UBE2O: variants seen among roughly 807,000 people sequenced by gnomAD.
UBE2O encodes ubiquitin conjugating enzyme E2 O.
A neutral mutation model predicts 125.8 loss-of-function variants in UBE2O; 15 were observed. The ratio of observed to expected loss-of-function variants is 0.12; its 90% confidence interval spans 0.08 to 0.18. The LOEUF (loss-of-function observed/expected upper bound fraction) is 0.18. Among genes scored for constraint, UBE2O ranks in the 10% least tolerant of loss-of-function variants. The pLI is 1.00. For missense variants in UBE2O, 1,280 were observed against 1,723.6 expected, an observed-to-expected ratio of 0.74 and a Z score of 4.56; for synonymous variants, 708 against 703.2, an observed-to-expected ratio of 1.01 and a Z score of -0.11.
At chr17:76,419,769 G>A (rs1326742144) in intron 1 of UBE2O, among the ~76,000 whole-genome samples, 1 of 152,372 alleles carries the variant, frequency 6.6e-6, no homozygotes, top group Non-Finnish European at 1.5e-5. Flanking sequence ...AAGACTTCCA[G>A]GCAGGAAGGC....
intron 1 of UBE2O, among the ~76,000 whole-genome samples, chr17:76,449,896 G>A (rs945732676): frequency 7.2e-5 from 11 of 152,052 alleles, no homozygotes; most frequent in Non-Finnish European, 1.6e-4. Context: ...CTCCAGCCTG[G>A]GCAACAAGAG....
Position 76,415,809 on chromosome 17 carries a change from G to C in UBE2O, c.418-10237C>G, listed in dbSNP as rs1044254231. On this transcript the variant is annotated intron_variant, in intron 1 of 17. Transcript: ENST00000319380. ...ACAGAGCAAGACTGTGTGTGTGTGT[G>C]TGTGTGTGTGTGTGTGTGTGCATAC... Among the ~76,000 whole-genome samples, 79 of 151,794 alleles carry C rather than the reference G, an allele frequency of 5.2e-4. No homozygotes were observed. In the East Asian group the frequency reaches 0.014, roughly 26 times the overall value.
Position 76,399,919 on chromosome 17 carries a change from C to T in UBE2O, c.1158G>A (p.Val386=), listed in dbSNP as rs1208386414. The T allele has an allele frequency of 6.3e-7, 1 of 1,599,546 alleles. No homozygotes were observed. Among genetic ancestry groups the T allele is most frequent in the Admixed American group, 1.7e-5 (1 of 59,038 alleles). The part of the protein sequence containing the change: ...AQGEGSMAKK[V]KRLLKKQVVR... ...CAACCTGCTTCTTCAACAGGCGCTT[C>T]ACCTGCAAGGGCGGAGCAGAGAGGA... The change falls in exon 9 of 18, where the codon GTG becomes GTA. Residue 386 remains valine (V), a splice_region_variant and synonymous_variant. Transcript: ENST00000319380. This position sits in a 1 kb window ranked among gnomAD's most constrained non-coding sequence, Gnocchi z 6.9.
intron 1 of UBE2O, among the ~76,000 whole-genome samples, chr17:76,424,942 C>A (rs2072781753): frequency 6.6e-6 from 1 of 150,626 alleles, no homozygotes; most frequent in African/African-American, 2.4e-5. Context: ...GCGATCTCAG[C>A]TCACTGCAAG....
Position 76,398,458 on chromosome 17 carries a change from G to A in UBE2O, c.1896+14C>T. On this transcript the variant is annotated intron_variant, in intron 11 of 17. Transcript: ENST00000319380. The surrounding 1 kb of genome is among the most constrained non-coding windows in gnomAD (Gnocchi z 5.4). ...CAGAGCCCACCTGAAGCAAGCAGTAGGGGCTGCACACACCTCCACGTCGTC... is the reference window on the plus strand; with the variant it reads ...CAGAGCCCACCTGAAGCAAGCAGTAAGGGCTGCACACACCTCCACGTCGTC... 2 of 1,614,046 alleles carry A rather than the reference G, an allele frequency of 1.2e-6. No individual in the cohort carries two copies. The highest frequency in any genetic ancestry group is 1.7e-6 in the Non-Finnish European group (2 of 1,179,960).
At chr17:76,429,638 C>T (rs2072871177) in intron 1 of UBE2O, among the ~76,000 whole-genome samples, 1 of 151,488 alleles carries the variant, frequency 6.6e-6, no homozygotes, top group South Asian at 2.1e-4. Flanking sequence ...CAGGTGAGGA[C>T]CACATTAGAT....
intron 1 of UBE2O, among the ~76,000 whole-genome samples, chr17:76,421,211 C>A (rs764310794): frequency 6.6e-6 from 1 of 152,154 alleles, no homozygotes; most frequent in African/African-American, 2.4e-5. Flanking sequence ...TAGAGCTGAG[C>A]CCAACCGTAG....
chr17:76,394,260 C>T (rs1446057647), intron 15 of UBE2O, among the ~76,000 whole-genome samples: 1 of 152,166 alleles, frequency 6.6e-6, no homozygotes, highest in Admixed American at 6.5e-5. Context: ...GAACTGGGGC[C>T]TCAGACTCAG....
At position 76,390,638 on chromosome 17, in the gene UBE2O, T is replaced by G; in HGVS notation, c.*305A>C. Reference sequence around the variant, plus strand: ...GGCCCTGGAACACCCGCCTCTGACCTGAGAAGGGGCAGCAAGGGAGCAAGT... The same window carrying G: ...GGCCCTGGAACACCCGCCTCTGACCGGAGAAGGGGCAGCAAGGGAGCAAGT... On this transcript the variant is annotated 3_prime_UTR_variant, in exon 18 of 18. Coordinates refer to ENST00000319380, the MANE Select transcript of UBE2O (RefSeq NM_022066.4). 1 of 299,716 alleles carries G rather than the reference T, an allele frequency of 3.3e-6. No individual in the cohort carries two copies. The highest frequency in any genetic ancestry group is 6.3e-6 in the Non-Finnish European group (1 of 159,858). 18.6% of individuals were successfully genotyped at this position (299,716 alleles called of 1,614,324 possible).
intron 1 of UBE2O, among the ~76,000 whole-genome samples, chr17:76,429,469 G>A (rs943500461): frequency 6.7e-6 from 1 of 148,600 alleles, no homozygotes; most frequent in Non-Finnish European, 1.5e-5. Flanking sequence ...TTCAGCCTGG[G>A]AGGCAGAGGT....
Position 76,405,401 on chromosome 17 carries a change from C to G in UBE2O, c.478-85G>C. The G allele has an allele frequency of 6.7e-7, 1 of 1,498,660 alleles. No individual in the cohort carries two copies. Among genetic ancestry groups the G allele is most frequent in the Non-Finnish European group, 9.2e-7 (1 of 1,091,842 alleles). The allele number at this position is 1,498,660 out of a possible 1,614,324, so 92.8% of individuals were successfully genotyped here. A position where few individuals can be genotyped will look rare whatever the true frequency, so the allele number is the denominator to read the frequency against. On this transcript the variant is annotated intron_variant, in intron 2 of 17. Coordinates refer to ENST00000319380, the MANE Select transcript of UBE2O (RefSeq NM_022066.4). This position sits in a 1 kb window ranked among gnomAD's most constrained non-coding sequence, Gnocchi z 6.1. ...ACCCAGCCCAGGCAACCCCAGCGCA[C>G]CCCCTGCAGAGCTGGCCAGTTCTCC...
At chr17:76,393,484 T>C (rs1427656746) in intron 15 of UBE2O, among the ~76,000 whole-genome samples, 1 of 151,832 alleles carries the variant, frequency 6.6e-6, no homozygotes, top group Non-Finnish European at 1.5e-5. Context: ...CCGCCCACCT[T>C]GGCCTCCCAA....
rs1433266475 is a variant in UBE2O, at chr17:76,390,877, G to A, written c.*66C>T. Reference sequence around the variant, plus strand: ...GGGGCATGGGAAGAGGGGTGATTCCGGGGGGGAGTGAGCAGGCGGCGGCTG... The same window carrying A: ...GGGGCATGGGAAGAGGGGTGATTCCAGGGGGGAGTGAGCAGGCGGCGGCTG... On this transcript the variant is annotated 3_prime_UTR_variant, in exon 18 of 18. Transcript: ENST00000319380. 26 of 1,451,070 alleles carry A rather than the reference G, an allele frequency of 1.8e-5. No individual in the cohort carries two copies. In the East Asian group the frequency reaches 3.0e-4, roughly 17 times the overall value. 89.9% of individuals were successfully genotyped at this position (1,451,070 alleles called of 1,614,324 possible). A position where few individuals can be genotyped will look rare whatever the true frequency, so the allele number is the denominator to read the frequency against.
chr17:76,401,835 C>T (rs951263808), intron 5 of UBE2O: 12 of 349,116 alleles, frequency 3.4e-5, no homozygotes, highest in Non-Finnish European at 5.6e-5. Flanking sequence ...GAGATCGCAC[C>T]GTTGCACTCC....
chr17:76,422,168 C>T (rs555847866), intron 1 of UBE2O, among the ~76,000 whole-genome samples: 10 of 152,318 alleles, frequency 6.6e-5, no homozygotes, highest in Admixed American at 3.3e-4. Context: ...CCTCTCTCTC[C>T]GGCTTTTCCT....
At chr17:76,406,861 G>A (rs1196002846) in intron 1 of UBE2O, among the ~76,000 whole-genome samples, 2 of 151,840 alleles carry the variant, frequency 1.3e-5, no homozygotes, top group African/African-American at 2.4e-5. Context: ...CACCACGCCC[G>A]GCTAATTTTT....
In UBE2O at chr17:76,405,481, G is replaced by A. The variant is rs376043748; in HGVS notation, c.477+32C>T. On this transcript the variant is annotated intron_variant, in intron 2 of 17. Coordinates refer to ENST00000319380, the MANE Select transcript of UBE2O (RefSeq NM_022066.4). This position sits in a 1 kb window ranked among gnomAD's most constrained non-coding sequence, Gnocchi z 6.1. The stretch of plus-strand genomic sequence containing the variant: ...AAGTCCCTAAGGTGGCTGCCCCCAG[G>A]CCCGGGGCTGGGGTGGGGACGCAGG... 4 of 1,582,986 alleles carry A rather than the reference G, an allele frequency of 2.5e-6. No individual in the cohort carries two copies. In the African/African-American group the frequency reaches 4.0e-5, roughly 16 times the overall value.
At position 76,399,829 on chromosome 17, in the gene UBE2O, G is replaced by A; in HGVS notation, c.1248C>T (p.Asp416=). The A allele has an allele frequency of 3.7e-6, 6 of 1,614,166 alleles. No individual in the cohort carries two copies. The highest frequency in any genetic ancestry group is 5.1e-6 in the Non-Finnish European group (6 of 1,180,014). The part of the protein sequence containing the change: ...CSRDHSMEDP[D]KKGESKTKSE... ...TCTTGGTTTTGGATTCCCCCTTCTT[G>A]TCTGGGTCTTCCATGGAATGGTCCC... Residue 416 remains aspartate (D), a synonymous_variant, in exon 9 of 18, where the codon GAC becomes GAT. Transcript: ENST00000319380. The surrounding 1 kb of genome is among the most constrained non-coding windows in gnomAD (Gnocchi z 6.9).
rs1899996 is a variant in UBE2O, at chr17:76,443,879, T to G, written c.417+8846A>C. ...GACAAAAGGCAAAAAAGAGAAACAT[T>G]TGGTATAGTCTGGTATAATAGAACC... On this transcript the variant is annotated intron_variant, in intron 1 of 17. Coordinates refer to ENST00000319380, the MANE Select transcript of UBE2O (RefSeq NM_022066.4). 5.4e-3 allele frequency among the ~76,000 whole-genome samples: 828 copies of G among 152,198 alleles called. 5 individuals are homozygous for G. The highest frequency in any genetic ancestry group is 0.014 in the Middle Eastern group (4 of 294).
Sources: gnomAD v4.1 joint callset for allele counts (sites outside exome capture counted in the v4.1 genomes callset) on GRCh38, gnomAD v4.1.1 for gene constraint, Gnocchi (gnomAD v3.1) non-coding constraint, MANE v1.5 for transcripts, NCBI Gene and HGNC (gene_info 2026-07-23, HGNC 2026-07-21) for gene names.